HS6ST2: variants seen among roughly 807,000 people sequenced by gnomAD.
HS6ST2 encodes the protein heparan-sulfate 6-O-sulfotransferase 2.
A neutral mutation model predicts 33.0 loss-of-function variants in HS6ST2; 17 were observed. The ratio of observed to expected loss-of-function variants is 0.52; its 90% confidence interval spans 0.35 to 0.77. The LOEUF (loss-of-function observed/expected upper bound fraction) is 0.77. HS6ST2 is among the 30% of genes least tolerant of loss of function. The pLI is 0.01. For synonymous variants in HS6ST2, 248 were observed against 237.1 expected (o/e 1.05, Z -0.42); for missense variants, 519 against 551.7 (o/e 0.94, Z 0.59).
intron 2 of HS6ST2, among the ~76,000 whole-genome samples, chrX:132,873,247 T>C (rs754675140): frequency 1.1e-4 from 12 of 111,677 alleles, no homozygotes; most frequent in Non-Finnish European, 2.1e-4. Context: ...TTTTCTACTA[T>C]ATGGGTGATA....
In HS6ST2 at chrX:132,865,092, G is replaced by T. The variant is rs2065956783; in HGVS notation, c.947+91716C>A. 2.8e-5 allele frequency among the ~76,000 whole-genome samples: 3 copies of T among 108,263 alleles called. 1 individual carries two copies. In the East Asian group the frequency reaches 8.9e-4, roughly 32 times the overall value. 94.0% of individuals were successfully genotyped at this position (108,263 alleles called of 115,157 possible). A position where few individuals can be genotyped will look rare whatever the true frequency, so the allele number is the denominator to read the frequency against. ...GCTGCACCCACTAACTCGTCATCCA[G>T]CATGAGGTATATCTCCCAATGCTAT... On this transcript the variant is annotated intron_variant, in intron 2 of 4. Coordinates refer to ENST00000370833, the MANE Select transcript of HS6ST2 (RefSeq NM_001394073.1).
At chrX:132,718,575 G>A (rs1254154080) in intron 2 of HS6ST2, among the ~76,000 whole-genome samples, 7 of 110,975 alleles carry the variant, frequency 6.3e-5, no homozygotes, top group Non-Finnish European at 1.3e-4. Context: ...GAGAGCTGGG[G>A]ACTGCATCCT....
chrX:132,689,445 G>A, intron 3 of HS6ST2, among the ~76,000 whole-genome samples: 1 of 111,381 alleles, frequency 9.0e-6, no homozygotes, highest in East Asian at 2.8e-4. Flanking sequence ...CAAACAGTCT[G>A]GGGACCCCAT....
chrX:132,908,567 A>C (rs966145858), intron 2 of HS6ST2, among the ~76,000 whole-genome samples: 4 of 112,529 alleles, frequency 3.6e-5, no homozygotes, highest in African/African-American at 1.3e-4. Context: ...TCAGCAATAA[A>C]ATGAAATGAA....
chrX:132,769,864 A>T lies in HS6ST2; in HGVS notation c.948-61370T>A, dbSNP rs150617875. 9.8e-3 allele frequency among the ~76,000 whole-genome samples: 1,096 copies of T among 111,710 alleles called. 10 individuals carry two copies. Among genetic ancestry groups the T allele is most frequent in the African/African-American group, 0.032 (988 of 30,745 alleles). Reference sequence around the variant, plus strand: ...AGAGCCAACACTGTCTTCTGCAGCAACCCATGCCGAGACTCACTTTCTCTG... The same window carrying T: ...AGAGCCAACACTGTCTTCTGCAGCATCCCATGCCGAGACTCACTTTCTCTG... On this transcript the variant is annotated intron_variant, in intron 2 of 4. Coordinates refer to ENST00000370833, the MANE Select transcript of HS6ST2 (RefSeq NM_001394073.1).
intron 2 of HS6ST2, among the ~76,000 whole-genome samples, chrX:132,921,677 A>G (rs1251058424): frequency 8.9e-6 from 1 of 112,045 alleles, no homozygotes; most frequent in Non-Finnish European, 1.9e-5. Flanking sequence ...AAAATAAAAC[A>G]AAAACAAAAG....
At chrX:132,791,567 G>A (rs2065120031) in intron 2 of HS6ST2, among the ~76,000 whole-genome samples, 1 of 111,976 alleles carries the variant, frequency 8.9e-6, no homozygotes, top group Non-Finnish European at 1.9e-5. Context: ...TTTTTCAGAT[G>A]TCAAAATAAT....
At chrX:132,884,751 A>G (rs1365002065) in intron 2 of HS6ST2, among the ~76,000 whole-genome samples, 1 of 111,655 alleles carries the variant, frequency 9.0e-6, no homozygotes, top group African/African-American at 3.3e-5. Flanking sequence ...AACATATCAG[A>G]TCATGTTTGT....
intron 2 of HS6ST2, among the ~76,000 whole-genome samples, chrX:132,748,715 A>C (rs1417954459): frequency 9.0e-6 from 1 of 111,115 alleles, no homozygotes; most frequent in Non-Finnish European, 1.9e-5. Context: ...CAATCCTCCT[A>C]CCTCAGCTGC....
chrX:132,820,591 G>T (rs2065442895), intron 2 of HS6ST2, among the ~76,000 whole-genome samples: 1 of 112,115 alleles, frequency 8.9e-6, no homozygotes, highest in Non-Finnish European at 1.9e-5. Context: ...TGCAGGGAAT[G>T]GTGGAGCTAT....
intron 2 of HS6ST2, among the ~76,000 whole-genome samples, chrX:132,769,535 C>A (rs1323945916): frequency 8.9e-6 from 1 of 111,954 alleles, no homozygotes; most frequent in Non-Finnish European, 1.9e-5. Flanking sequence ...GCTTTTCCAG[C>A]CACTAACTTT....
At chrX:132,951,209 G>C (rs985629603) in intron 2 of HS6ST2, among the ~76,000 whole-genome samples, 2 of 111,142 alleles carry the variant, frequency 1.8e-5, no homozygotes, top group African/African-American at 6.5e-5. Context: ...TACTTTCATG[G>C]TGTTTTTGCA....
intron 2 of HS6ST2, among the ~76,000 whole-genome samples, chrX:132,880,941 A>G (rs1162617407): frequency 4.6e-5 from 5 of 109,712 alleles, no homozygotes; most frequent in Non-Finnish European, 7.6e-5. Flanking sequence ...CCATGTCCCT[A>G]CAAAGGACAT....
chrX:132,729,473 T>C (rs1174090366), intron 2 of HS6ST2, among the ~76,000 whole-genome samples: 1 of 111,220 alleles, frequency 9.0e-6, no homozygotes, highest in East Asian at 2.9e-4. Context: ...CCCAGAATCA[T>C]TCAGGGAGTC....
intron 3 of HS6ST2, among the ~76,000 whole-genome samples, chrX:132,693,732 T>C (rs956969857): frequency 3.6e-5 from 4 of 111,606 alleles, no homozygotes; most frequent in African/African-American, 9.8e-5. Flanking sequence ...AGGATAGCTT[T>C]TGAATTTAAA....
chrX:132,951,222 C>G (rs1692692197), intron 2 of HS6ST2, among the ~76,000 whole-genome samples: 1 of 111,725 alleles, frequency 9.0e-6, no homozygotes, highest in South Asian at 3.8e-4. Context: ...TTTTTGCACT[C>G]TTTCCATCCA....
chrX:132,790,223 C>T (rs980694096), intron 2 of HS6ST2, among the ~76,000 whole-genome samples: 1 of 112,041 alleles, frequency 8.9e-6, no homozygotes. Context: ...GCAACGACCA[C>T]CCTGATTAGT....
At chrX:132,912,359 C>A (rs1212749228) in intron 2 of HS6ST2, among the ~76,000 whole-genome samples, 1 of 112,515 alleles carries the variant, frequency 8.9e-6, no homozygotes, top group Non-Finnish European at 1.9e-5. Flanking sequence ...CACAGCTGCC[C>A]CAGTGTTGGT....
chrX:132,905,716 C>G (rs1468072274), intron 2 of HS6ST2, among the ~76,000 whole-genome samples: 1 of 111,628 alleles, frequency 9.0e-6, no homozygotes, highest in Non-Finnish European at 1.9e-5. Flanking sequence ...GAATTTGAGA[C>G]CAGCCTGGGC....
Sources: gnomAD v4.1 joint callset for allele counts (sites outside exome capture counted in the v4.1 genomes callset) on GRCh38, gnomAD v4.1.1 for gene constraint, MANE v1.5 for transcripts, NCBI Gene and HGNC (gene_info 2026-07-23, HGNC 2026-07-21) for gene names.